DCC: variants seen among roughly 807,000 people sequenced by gnomAD.
DCC encodes netrin receptor DCC.
A neutral mutation model predicts 172.5 loss-of-function variants in DCC; 58 were observed. That is an observed-to-expected ratio of 0.34 (90% confidence interval 0.27 to 0.42). The LOEUF (loss-of-function observed/expected upper bound fraction) is 0.42, where lower values mean the gene tolerates loss of function less well. Among genes scored for constraint, DCC ranks in the 10% least tolerant of loss-of-function variants. DCC has a pLI of 1.00. For synonymous variants in DCC, 709 were observed against 644.5 expected, an observed-to-expected ratio of 1.10 and a Z score of -1.52; for missense variants, 1,740 against 1,791.0, an observed-to-expected ratio of 0.97 and a Z score of 0.51.
chr18:53,063,978 A>G (rs1229164759), intron 6 of DCC, among the ~76,000 whole-genome samples: 1 of 152,156 alleles, frequency 6.6e-6, no homozygotes. Context: ...TGATGTGGTA[A>G]TGAGGACAGT....
intron 2 of DCC, among the ~76,000 whole-genome samples, chr18:52,861,250 CG>C (rs2039137832): frequency 6.6e-6 from 1 of 152,092 alleles, no homozygotes; most frequent in Non-Finnish European, 1.5e-5. Context: ...GAACCTTGTA[CG>C]GAAACAATGT....
At chr18:53,215,173 C>T (rs532003506) in intron 11 of DCC, among the ~76,000 whole-genome samples, 6 of 151,984 alleles carry the variant, frequency 3.9e-5, no homozygotes, top group East Asian at 1.9e-4. Flanking sequence ...TTCTGAAATG[C>T]GCAATATCTT....
intron 5 of DCC, among the ~76,000 whole-genome samples, chr18:53,036,787 G>A (rs534784758): frequency 1.3e-5 from 2 of 152,132 alleles, no homozygotes; most frequent in South Asian, 2.1e-4. Flanking sequence ...AGTGTTCAGA[G>A]TAGTTGGTGT....
chr18:53,515,905 C>A (rs908972020), intron 27 of DCC, among the ~76,000 whole-genome samples: 2 of 152,100 alleles, frequency 1.3e-5, no homozygotes, highest in African/African-American at 4.8e-5. Flanking sequence ...ATGCCATCCT[C>A]ATCAAGCTAC....
At chr18:52,835,688 CAT>C (rs2038692110) in intron 2 of DCC, among the ~76,000 whole-genome samples, 1 of 152,032 alleles carries the variant, frequency 6.6e-6, no homozygotes, top group Admixed American at 6.5e-5. Flanking sequence ...TCTATATATC[CAT>C]ATATAATGTG....
intron 15 of DCC, among the ~76,000 whole-genome samples, chr18:53,374,713 TAC>T (rs1273217457): frequency 6.6e-6 from 1 of 152,062 alleles, no homozygotes; most frequent in Non-Finnish European, 1.5e-5. Context: ...CCCACACACA[TAC>T]ACACAGTCTC....
At chr18:53,024,710 C>G (rs562665094) in intron 5 of DCC, among the ~76,000 whole-genome samples, 2 of 152,106 alleles carry the variant, frequency 1.3e-5, no homozygotes, top group Non-Finnish European at 2.9e-5. Flanking sequence ...ATTCTAATTA[C>G]CAATTCAATT....
intron 2 of DCC, among the ~76,000 whole-genome samples, chr18:52,791,424 T>A (rs1180656899): frequency 6.6e-6 from 1 of 151,486 alleles, no homozygotes; most frequent in African/African-American, 2.4e-5. Context: ...TGACCCAGAG[T>A]GGAAAGGAAG....
chr18:52,654,439 A>T (rs2035205149), intron 1 of DCC, among the ~76,000 whole-genome samples: 1 of 152,074 alleles, frequency 6.6e-6, no homozygotes, highest in South Asian at 2.1e-4. Flanking sequence ...GGTGGCTTAA[A>T]CAACAGACAT....
intron 5 of DCC, among the ~76,000 whole-genome samples, chr18:53,050,023 A>T (rs1481167060): frequency 6.6e-6 from 1 of 152,012 alleles, no homozygotes; most frequent in Non-Finnish European, 1.5e-5. Flanking sequence ...AGCGCCTGGC[A>T]AATTACTGGT....
chr18:53,189,608 G>T (rs560497357), intron 9 of DCC, among the ~76,000 whole-genome samples: 110 of 152,242 alleles, frequency 7.2e-4, no homozygotes, highest in African/African-American at 2.4e-3. Flanking sequence ...AGAAATGTTG[G>T]TATTAACAGA....
rs781075686 is a variant in DCC at position 53,215,553 on chromosome 18, A to G, written c.1867A>G (p.Ser623Gly). Residue 623 changes from serine to glycine, a missense_variant, in exon 12 of 29, where the codon AGT becomes GGT. Transcript: ENST00000442544. ...ITVVTLSDVP[S>G]APPQNVSLEV... is the part of the protein sequence containing the mutation. ...ATTTGTTTGATTCCTTTTAGTGCCA[A>G]GTGCCCCGCCTCAGAACGTCTCCCT... 3 of 1,613,850 alleles carry G rather than the reference A, an allele frequency of 1.9e-6. No homozygotes were observed. The highest frequency in any genetic ancestry group is 1.7e-6 in the Non-Finnish European group (2 of 1,179,782).
chr18:53,427,336 A>G (rs961024803), intron 21 of DCC, among the ~76,000 whole-genome samples: 3 of 152,270 alleles, frequency 2.0e-5, no homozygotes, highest in Non-Finnish European at 4.4e-5. Flanking sequence ...GGAGATTCCA[A>G]TGACAGGAAG....
chr18:52,959,258 A>G (rs2040800042), intron 5 of DCC, among the ~76,000 whole-genome samples: 1 of 152,170 alleles, frequency 6.6e-6, no homozygotes, highest in Non-Finnish European at 1.5e-5. Flanking sequence ...CTGATAAAAC[A>G]TGAGGAAGTA....
chr18:53,081,119 C>G (rs1364537333), intron 7 of DCC, among the ~76,000 whole-genome samples: 2 of 151,902 alleles, frequency 1.3e-5, no homozygotes, highest in African/African-American at 4.8e-5. Context: ...TTTTTCCCCC[C>G]CTCCCCTCTT....
chr18:53,292,910 T>C (rs570336323), intron 12 of DCC, among the ~76,000 whole-genome samples: 5 of 152,206 alleles, frequency 3.3e-5, no homozygotes, highest in Non-Finnish European at 5.9e-5. Context: ...ACTTGATTAC[T>C]TAATTCTTTG....
chr18:52,953,378 C>T lies in DCC; in HGVS notation c.985+28008C>T, dbSNP rs576535594. 3.9e-5 allele frequency among the ~76,000 whole-genome samples: 6 copies of T among 152,300 alleles called. No individual in the cohort carries two copies. In the South Asian group the frequency reaches 1.2e-3, roughly 32 times the overall value. On this transcript the variant is annotated intron_variant, in intron 5 of 28. Transcript: ENST00000442544. Reference sequence around the variant, plus strand: ...AACAATGCACAGCCTCGACTGATGTCTTCTCCAGGGCTTTCCGCCTCTGTG... The same window carrying T: ...AACAATGCACAGCCTCGACTGATGTTTTCTCCAGGGCTTTCCGCCTCTGTG...
chr18:53,199,984 CAAAA>C (rs2055510989), intron 9 of DCC, among the ~76,000 whole-genome samples: 2 of 152,024 alleles, frequency 1.3e-5, no homozygotes, highest in African/African-American at 4.8e-5. Context: ...TCTCAGGAAA[CAAAA>C]AGGCAGTTGG....
At chr18:52,599,730 TCTCAAACTCCTGAC>T (rs1219772121) in intron 1 of DCC, among the ~76,000 whole-genome samples, 6 of 152,050 alleles carry the variant, frequency 3.9e-5, no homozygotes, top group Admixed American at 3.9e-4. Flanking sequence ...GTCAGGCTAG[TCTCAAACTCCTGAC>T]CTCAGGTGAT....
Sources: gnomAD v4.1 joint callset for allele counts (sites outside exome capture counted in the v4.1 genomes callset) on GRCh38, gnomAD v4.1.1 for gene constraint, MANE v1.5 for transcripts, NCBI Gene and HGNC (gene_info 2026-07-23, HGNC 2026-07-21) for gene names.